The following CSMD1 variants were observed in gnomAD, a reference collection of about 807,000 sequenced individuals.
The protein encoded by CSMD1 is CUB and Sushi multiple domains 1, also known as CUB and sushi domain-containing protein 1.
A neutral mutation model predicts 417.5 loss-of-function variants in CSMD1; 213 were observed. The observed-to-expected ratio is 0.51, with a 90% CI of 0.46 to 0.57. The LOEUF is 0.57. CSMD1 is among the 20% of genes least tolerant of loss of function. The probability of loss-of-function intolerance (pLI) is 0.00; values close to 1 mark genes in which losing one functional copy is unlikely to be tolerated. For missense variants in CSMD1, 6,923 were observed against 4,529.7 expected (o/e 1.53, Z -15.17); for synonymous variants, 2,862 against 1,736.8 (o/e 1.65, Z -16.11).
chr8:3,620,810 C>G (rs192346744), intron 7 of CSMD1, among the ~76,000 whole-genome samples: 1 of 152,264 alleles, frequency 6.6e-6, no homozygotes, highest in Admixed American at 6.5e-5. Context: ...AAAGTCAGAG[C>G]TACCCTTTAA....
chr8:4,483,413 C>A (rs1801209351), intron 2 of CSMD1, among the ~76,000 whole-genome samples: 1 of 152,112 alleles, frequency 6.6e-6, no homozygotes, highest in African/African-American at 2.4e-5. Context: ...CTAATTACAT[C>A]TAAAGATAAA....
intron 2 of CSMD1, among the ~76,000 whole-genome samples, chr8:4,580,140 C>T (rs1012411181): frequency 2.0e-5 from 3 of 152,136 alleles, no homozygotes; most frequent in East Asian, 1.9e-4. Flanking sequence ...ACCTATGTGG[C>T]CCTGACTGTA....
intron 7 of CSMD1, among the ~76,000 whole-genome samples, chr8:3,662,431 G>A (rs138776337): frequency 6.6e-6 from 1 of 152,098 alleles, no homozygotes; most frequent in Non-Finnish European, 1.5e-5. Context: ...TCTTTATCCA[G>A]TCTATTATTG....
At chr8:3,886,690 G>A (rs1806586070) in intron 5 of CSMD1, among the ~76,000 whole-genome samples, 1 of 152,162 alleles carries the variant, frequency 6.6e-6, no homozygotes, top group Non-Finnish European at 1.5e-5. Flanking sequence ...CCTACTACAT[G>A]TTAGACACTT....
intron 68 of CSMD1, among the ~76,000 whole-genome samples, chr8:2,946,213 C>A (rs1445854839): frequency 1.3e-5 from 2 of 152,158 alleles, no homozygotes; most frequent in Non-Finnish European, 2.9e-5. Flanking sequence ...CTTTTGTTGA[C>A]CAAAATGTCA....
intron 6 of CSMD1, among the ~76,000 whole-genome samples, chr8:3,734,547 CTA>C (rs1420032597): frequency 1.4e-4 from 21 of 152,146 alleles, no homozygotes; most frequent in Admixed American, 1.4e-3. Context: ...CCTGTCTCTA[CTA>C]AAAATACCCA....
At chr8:3,092,837 A>G (rs1437909885) in intron 47 of CSMD1, among the ~76,000 whole-genome samples, 1 of 152,216 alleles carries the variant, frequency 6.6e-6, no homozygotes, top group Non-Finnish European at 1.5e-5. Context: ...AAAAGCGTTC[A>G]TGGCATTTTG....
At chr8:3,788,144 A>C (rs571941106) in intron 5 of CSMD1, among the ~76,000 whole-genome samples, 7 of 152,324 alleles carry the variant, frequency 4.6e-5, no homozygotes, top group Admixed American at 3.9e-4. Context: ...GGACTTGGAG[A>C]TGAAATCATT....
intron 1 of CSMD1, among the ~76,000 whole-genome samples, chr8:4,665,335 T>C (rs533957586): frequency 7.2e-5 from 11 of 152,172 alleles, no homozygotes; most frequent in Non-Finnish European, 1.2e-4. Flanking sequence ...TAAGGTAAAT[T>C]AACTGAAGAC....
At chr8:3,638,701 C>G (rs2406991) in intron 7 of CSMD1, among the ~76,000 whole-genome samples, 20,932 of 151,968 alleles carry the variant, frequency 0.14, 2,908 homozygotes, top group African/African-American at 0.35. Flanking sequence ...GACACATGGG[C>G]AAAAGGCTTG....
chr8:3,860,617 C>A (rs1465009387), intron 5 of CSMD1, among the ~76,000 whole-genome samples: 1 of 152,112 alleles, frequency 6.6e-6, no homozygotes. Flanking sequence ...ATAAGAGACA[C>A]TATTAGTTAC....
At chr8:4,026,561 G>C (rs187785473) in intron 4 of CSMD1, among the ~76,000 whole-genome samples, 6 of 152,338 alleles carry the variant, frequency 3.9e-5, no homozygotes, top group East Asian at 3.9e-4. Flanking sequence ...TCTTGGCTTA[G>C]GCCAAGTTTT....
chr8:3,349,956 GTGTTA>G (rs1421009038), intron 21 of CSMD1, among the ~76,000 whole-genome samples: 1 of 141,614 alleles, frequency 7.1e-6, no homozygotes, highest in Non-Finnish European at 1.5e-5. Flanking sequence ...ATGTGTATGT[GTGTTA>G]TAATACCTAT....
At chr8:4,047,241 G>A (rs895678484) in intron 3 of CSMD1, among the ~76,000 whole-genome samples, 1 of 152,076 alleles carries the variant, frequency 6.6e-6, no homozygotes, top group Non-Finnish European at 1.5e-5. Flanking sequence ...GTTCATCAAA[G>A]TCATCTAAGT....
At chr8:3,601,126 A>G (rs1199287033) in intron 8 of CSMD1, among the ~76,000 whole-genome samples, 1 of 152,028 alleles carries the variant, frequency 6.6e-6, no homozygotes, top group Non-Finnish European at 1.5e-5. Context: ...TCACTGCTAG[A>G]TGTAGGTTTG....
intron 4 of CSMD1, among the ~76,000 whole-genome samples, chr8:4,025,038 GCCGGGACAA>G (rs1372204352): frequency 7.2e-5 from 11 of 152,198 alleles, no homozygotes; most frequent in African/African-American, 2.7e-4. Context: ...GAATTAGGCA[GCCGGGACAA>G]CATCAGACTA....
At chr8:4,326,744 A>G (rs1799584869) in intron 3 of CSMD1, among the ~76,000 whole-genome samples, 1 of 152,200 alleles carries the variant, frequency 6.6e-6, no homozygotes, top group African/African-American at 2.4e-5. Context: ...TGGAATAGTA[A>G]TGCCCATCTT....
intron 26 of CSMD1, among the ~76,000 whole-genome samples, chr8:3,241,026 C>T (rs979187323): frequency 6.7e-6 from 1 of 148,972 alleles, no homozygotes; most frequent in Non-Finnish European, 1.5e-5. Flanking sequence ...GATCGGTCAC[C>T]AAGGAGGGAG....
At chr8:4,382,829 G>T (rs1240094144) in intron 3 of CSMD1, among the ~76,000 whole-genome samples, 1 of 152,140 alleles carries the variant, frequency 6.6e-6, no homozygotes, top group Non-Finnish European at 1.5e-5. Flanking sequence ...TCATTACATT[G>T]TGACAACGAC....
Sources: allele counts gnomAD v4.1 joint callset (sites outside exome capture counted in the v4.1 genomes callset), GRCh38; gene constraint gnomAD v4.1.1; transcripts MANE v1.5; gene names NCBI Gene and HGNC (gene_info 2026-07-23, HGNC 2026-07-21).